Variants in MIPOL1 observed in about 807,000 individuals in gnomAD.
MIPOL1 encodes the protein mirror-image polydactyly gene 1 protein.
In MIPOL1, 57 loss-of-function variants were observed where a neutral mutation model predicts 60.9. The ratio of observed to expected loss-of-function variants is 0.94; its 90% confidence interval spans 0.76 to 1.17. The LOEUF is 1.17. Among genes scored for constraint, MIPOL1 ranks in the 50% most tolerant of loss-of-function variants. The probability of loss-of-function intolerance (pLI) is 0.00; values close to 1 mark genes in which losing one functional copy is unlikely to be tolerated. For synonymous variants in MIPOL1, 179 were observed against 168.8 expected, an observed-to-expected ratio of 1.06 and a Z score of -0.47; for missense variants, 551 against 511.6, an observed-to-expected ratio of 1.08 and a Z score of -0.74.
At chr14:37,509,928 C>T (rs987223815) in intron 12 of MIPOL1, among the ~76,000 whole-genome samples, 5 of 151,490 alleles carry the variant, frequency 3.3e-5, no homozygotes, top group African/African-American at 9.7e-5. Flanking sequence ...CACCCACAGT[C>T]ATTGATCATG....
chr14:37,454,973 C>T (rs1253020183), intron 11 of MIPOL1, among the ~76,000 whole-genome samples: 1 of 152,082 alleles, frequency 6.6e-6, no homozygotes, highest in Non-Finnish European at 1.5e-5. Flanking sequence ...TATGTCTTTT[C>T]CTTGAACTGC....
intron 9 of MIPOL1, among the ~76,000 whole-genome samples, chr14:37,330,199 A>T (rs1019046514): frequency 6.6e-6 from 1 of 152,110 alleles, no homozygotes; most frequent in Non-Finnish European, 1.5e-5. Flanking sequence ...ATTCATATTA[A>T]ACTATAGAAA....
chr14:37,419,708 G>A (rs2093836871), intron 10 of MIPOL1, among the ~76,000 whole-genome samples: 1 of 151,886 alleles, frequency 6.6e-6, no homozygotes, highest in East Asian at 1.9e-4. Context: ...GGATGTGACT[G>A]ATGAGTGTGA....
At chr14:37,495,400 G>A (rs1489285188) in intron 11 of MIPOL1, among the ~76,000 whole-genome samples, 1 of 148,814 alleles carries the variant, frequency 6.7e-6, no homozygotes, top group African/African-American at 2.5e-5. Flanking sequence ...TTGTTCTTGC[G>A]ATAGTTTACT....
intron 9 of MIPOL1, among the ~76,000 whole-genome samples, chr14:37,336,427 C>T (rs2090125650): frequency 6.7e-6 from 1 of 149,862 alleles, no homozygotes; most frequent in African/African-American, 2.4e-5. Context: ...TTTGTCTCTT[C>T]TAAGTTGCTT....
chr14:37,416,340 G>A (rs1218353990), intron 10 of MIPOL1, among the ~76,000 whole-genome samples: 5 of 152,094 alleles, frequency 3.3e-5, no homozygotes. Flanking sequence ...CACTTACAGT[G>A]GGGATACATT....
chr14:37,349,839 C>T (rs190424891), intron 9 of MIPOL1, among the ~76,000 whole-genome samples: 208 of 152,158 alleles, frequency 1.4e-3, no homozygotes, highest in African/African-American at 4.9e-3. Flanking sequence ...ATGCTGTATC[C>T]GCAGCCATAT....
intron 9 of MIPOL1, among the ~76,000 whole-genome samples, chr14:37,368,100 TG>T (rs1280240330): frequency 6.6e-6 from 1 of 152,116 alleles, no homozygotes; most frequent in Non-Finnish European, 1.5e-5. Flanking sequence ...TAAAAAAATC[TG>T]CACTGAGTCA....
At chr14:37,365,626 T>C (rs1297424617) in intron 9 of MIPOL1, among the ~76,000 whole-genome samples, 2 of 152,144 alleles carry the variant, frequency 1.3e-5, no homozygotes, top group Non-Finnish European at 2.9e-5. Context: ...TTGTTGAGGA[T>C]TTTTGCATCA....
intron 12 of MIPOL1, among the ~76,000 whole-genome samples, chr14:37,524,668 A>G (rs2095436174): frequency 6.7e-6 from 1 of 149,586 alleles, no homozygotes; most frequent in African/African-American, 2.5e-5. Context: ...CCCAGGTTCA[A>G]GCAATTCTCT....
In MIPOL1 at chr14:37,549,249, T is replaced by A. The variant is rs919327981; in HGVS notation, c.*2278T>A. On this transcript the variant is annotated 3_prime_UTR_variant, in exon 13 of 13. Coordinates refer to ENST00000684589, the MANE Select transcript of MIPOL1 (RefSeq NM_001388067.1). ...ATCAACTCTAAATCCTATAGTAACA[T>A]GAGAATTCACTTCTTCTTGTAAAAA... 1 of 151,924 alleles carries A rather than the reference T, an allele frequency of 6.6e-6. No homozygotes were observed. The highest frequency in any genetic ancestry group is 2.4e-5 in the African/African-American group (1 of 41,428). The allele number at this position is 151,924 out of a possible 1,614,324, so 9.4% of individuals were successfully genotyped here. A position where few individuals can be genotyped will look rare whatever the true frequency, so the allele number is the denominator to read the frequency against.
At chr14:37,469,095 A>C (rs773814410) in intron 11 of MIPOL1, among the ~76,000 whole-genome samples, 12 of 152,176 alleles carry the variant, frequency 7.9e-5, no homozygotes, top group Admixed American at 2.0e-4. Flanking sequence ...GCAAAGAACA[A>C]CTGAAAAGAC....
intron 11 of MIPOL1, among the ~76,000 whole-genome samples, chr14:37,430,655 A>C (rs2094047002): frequency 6.6e-6 from 1 of 152,186 alleles, no homozygotes; most frequent in Non-Finnish European, 1.5e-5. Context: ...AAACAGCAAT[A>C]GTATCTAACC....
intron 12 of MIPOL1, among the ~76,000 whole-genome samples, chr14:37,545,272 C>CTA (rs1165961568): frequency 3.3e-5 from 5 of 152,132 alleles, no homozygotes; most frequent in African/African-American, 1.2e-4. Flanking sequence ...TAGTGTAGTT[C>CTA]TATAATTCAT....
intron 1 of MIPOL1, among the ~76,000 whole-genome samples, chr14:37,216,623 CAAG>C (rs1967762010): frequency 6.6e-6 from 1 of 152,086 alleles, no homozygotes; most frequent in Non-Finnish European, 1.5e-5. Flanking sequence ...AAATTAATAA[CAAG>C]ATGAATTTTG....
intron 12 of MIPOL1, among the ~76,000 whole-genome samples, chr14:37,542,432 C>T (rs2095533385): frequency 6.6e-6 from 1 of 152,100 alleles, no homozygotes; most frequent in African/African-American, 2.4e-5. Flanking sequence ...GTAGTATGGC[C>T]TACCTGTCTA....
rs57131289 is a variant in MIPOL1 at position 37,231,985 on chromosome 14, G to A, written c.-198-15118G>A. ...TAGTCTAAGCTACTCAGGAGGCTGA[G>A]GTGGGAGGATCACTTGAGCCCAGGA... On this transcript the variant is annotated intron_variant, in intron 1 of 12. Coordinates refer to ENST00000684589, the MANE Select transcript of MIPOL1 (RefSeq NM_001388067.1). Among the ~76,000 whole-genome samples, 745 of 152,140 alleles carry A rather than the reference G, an allele frequency of 4.9e-3. 9 individuals are homozygous for A. The highest frequency in any genetic ancestry group is 0.017 in the African/African-American group (696 of 41,506).
intron 10 of MIPOL1, among the ~76,000 whole-genome samples, chr14:37,390,118 C>G (rs2093194485): frequency 6.6e-6 from 1 of 152,012 alleles, no homozygotes; most frequent in Non-Finnish European, 1.5e-5. Context: ...ACTCCGGAGG[C>G]TGAAGCAGGA....
intron 12 of MIPOL1, among the ~76,000 whole-genome samples, chr14:37,518,043 A>G (rs1273123819): frequency 1.3e-5 from 2 of 152,232 alleles, no homozygotes; most frequent in African/African-American, 4.8e-5. Flanking sequence ...CTGTATAGCA[A>G]ATTGATAAGA....
Sources: gnomAD v4.1 joint callset for allele counts (sites outside exome capture counted in the v4.1 genomes callset) on GRCh38, gnomAD v4.1.1 for gene constraint, MANE v1.5 for transcripts, NCBI Gene and HGNC (gene_info 2026-07-23, HGNC 2026-07-21) for gene names.